Variants in ZNF274 observed in about 807,000 individuals in gnomAD.
The protein encoded by ZNF274 is zinc finger protein 274.
ZNF274 carries 23 observed loss-of-function variants against 42.5 expected under a neutral mutation model. The observed-to-expected ratio is 0.54, with a 90% confidence interval of 0.39 to 0.77. ZNF274 has a LOEUF of 0.77. Ranked by LOEUF, ZNF274 falls within the 30% of genes least tolerant of loss-of-function variation. The pLI, the probability that ZNF274 is intolerant of heterozygous loss-of-function variation, is 0.00. For missense variants in ZNF274, 679 were observed against 806.5 expected, an observed-to-expected ratio of 0.84 and a Z score of 1.91; for synonymous variants, 292 against 305.4, an observed-to-expected ratio of 0.96 and a Z score of 0.46.
intron 4 of ZNF274, among the ~76,000 whole-genome samples, chr19:58,191,417 G>A (rs112911143): frequency 9.8e-5 from 15 of 152,322 alleles, no homozygotes; most frequent in African/African-American, 2.9e-4. Flanking sequence ...TATTATAGGC[G>A]TGAGCCACTG....
chr19:58,188,676 G>GTGTGTGTGTA (rs1555816861), intron 4 of ZNF274, among the ~76,000 whole-genome samples: 1 of 79,772 alleles, frequency 1.3e-5, no homozygotes, highest in Non-Finnish European at 2.5e-5. Context: ...GTGTGTGTGT[G>GTGTGTGTGTA]TATATATATA....
At chr19:58,186,889 A>ATAGCATT (rs1467318295) in intron 3 of ZNF274, 58 bp from the exon 4 acceptor site, 4 of 1,469,662 alleles carry the variant, frequency 2.7e-6, no homozygotes, top group Non-Finnish European at 3.8e-6. Context: ...CTGCAGTAGG[A>ATAGCATT]TAGCATTTTC....
At chr19:58,188,189 A>T (rs1232315128) in intron 4 of ZNF274, among the ~76,000 whole-genome samples, 1 of 152,068 alleles carries the variant, frequency 6.6e-6, no homozygotes, top group Non-Finnish European at 1.5e-5. Flanking sequence ...AAGATCAGCC[A>T]ATGTTGTAAA....
intron 4 of ZNF274, among the ~76,000 whole-genome samples, chr19:58,201,676 C>G (rs1390651974): frequency 1.3e-5 from 2 of 152,034 alleles, no homozygotes; most frequent in Admixed American, 1.3e-4. Flanking sequence ...GCCACCTCGC[C>G]TAGCTAACTT....
At chr19:58,189,876 G>C (rs2075757712) in intron 4 of ZNF274, among the ~76,000 whole-genome samples, 1 of 152,086 alleles carries the variant, frequency 6.6e-6, no homozygotes. Flanking sequence ...TGTAATCCCA[G>C]CACTTTGGGA....
chr19:58,200,052 G>A (rs1201855109), intron 4 of ZNF274, among the ~76,000 whole-genome samples: 1 of 152,244 alleles, frequency 6.6e-6, no homozygotes, highest in Non-Finnish European at 1.5e-5. Context: ...GAAGAAGCAA[G>A]TGGGGTGCAA....
chr19:58,212,472 A>G lies in ZNF274; in HGVS notation c.1291A>G (p.Ser431Gly). The change falls in exon 8 of 8, where the codon AGT becomes GGT. Residue 431 changes from serine (S) to glycine (G), a missense_variant. By Grantham distance (56) the Ser-to-Gly change is moderately conservative. Around this residue, in one of 2 missense-constraint regions of ZNF274, gnomAD observed 456 missense variants for 590.1 expected, o/e 0.77. Coordinates refer to ENST00000617501, the MANE Select transcript of ZNF274 (RefSeq NM_133502.3). This position sits in a 1 kb window ranked among gnomAD's most constrained non-coding sequence, Gnocchi z 4.6. ...KIDNPESQANSGALDTNQVLL... is the reference protein window; with the variant it reads ...KIDNPESQANGGALDTNQVLL... ...TGACAACCCTGAGTCCCAGGCAAACAGTGGCGCTCTTGACACAAACCAAGT... is the reference window on the plus strand; with the variant it reads ...TGACAACCCTGAGTCCCAGGCAAACGGTGGCGCTCTTGACACAAACCAAGT... The G allele has an allele frequency of 1.9e-6, 3 of 1,613,724 alleles. No individual in the cohort carries two copies. Among genetic ancestry groups the G allele is most frequent in the Middle Eastern group, 3.3e-4 (2 of 6,054 alleles).
rs375460451 is a variant in ZNF274, at chr19:58,185,720, G to C, written c.42G>C (p.Val14=). 2.1e-5 allele frequency: 31 copies of C among 1,444,372 alleles called. No homozygotes were observed. Among genetic ancestry groups the C allele is most frequent in the African/African-American group, 4.4e-5 (3 of 68,066 alleles). The allele number at this position is 1,444,372 out of a possible 1,614,324, so 89.5% of individuals were successfully genotyped here. Residue 14 remains valine (V), a synonymous_variant, in exon 3 of 8, where the codon GTG becomes GTC. Coordinates refer to ENST00000617501, the MANE Select transcript of ZNF274 (RefSeq NM_133502.3). ...AGAATCTGGATTTTTAGGAACCAGT[G>C]ACCTTTGAAGATGTAACACTGGGTT... The part of the protein sequence containing the change: ...RLPTAWSCEP[V]TFEDVTLGFT...
intron 4 of ZNF274, among the ~76,000 whole-genome samples, chr19:58,201,801 CACCG>C (rs2075915325): frequency 6.6e-6 from 1 of 152,182 alleles, no homozygotes; most frequent in African/African-American, 2.4e-5. Context: ...AGGCATGAGT[CACCG>C]CACCAGGCAT....
At chr19:58,191,449 C>T (rs1204017398) in intron 4 of ZNF274, among the ~76,000 whole-genome samples, 1 of 152,164 alleles carries the variant, frequency 6.6e-6, no homozygotes, top group Non-Finnish European at 1.5e-5. Context: ...GCCTCCTGAT[C>T]TTCCTTTTGG....
chr19:58,192,623 T>C (rs2146205597), intron 4 of ZNF274, among the ~76,000 whole-genome samples: 1 of 152,308 alleles, frequency 6.6e-6, no homozygotes, highest in African/African-American at 2.4e-5. Flanking sequence ...GCTGAAGTCA[T>C]CTCTAGATTA....
intron 4 of ZNF274, chr19:58,202,163 C>T (rs1335865910): frequency 3.9e-5 from 6 of 152,218 alleles, no homozygotes; most frequent in Non-Finnish European, 8.8e-5. Context: ...ACTTTTCCCC[C>T]ACAAGCTGCT....
intron 3 of ZNF274, chr19:58,186,055 A>G (rs1329609901): frequency 3.3e-6 from 1 of 299,682 alleles, no homozygotes; most frequent in Non-Finnish European, 6.1e-6. Context: ...GTGGATGCTT[A>G]TTGTTCTTGC....
chr19:58,209,831 G>A, intron 5 of ZNF274, 130 bp from the exon 6 acceptor site: 2 of 608,586 alleles, frequency 3.3e-6, no homozygotes, highest in Non-Finnish European at 5.8e-6. Flanking sequence ...GAGGACAGGA[G>A]CAGAGGCTGT....
rs941151260 is a variant in ZNF274, at chr19:58,210,401, A to C, written c.852+328A>C. 2.9e-5 allele frequency: 6 copies of C among 206,752 alleles called. No individual in the cohort carries two copies. The East Asian group carries it at 7.3e-4, about 25-fold the overall frequency. The allele number at this position is 206,752 out of a possible 1,614,324, so 12.8% of individuals were successfully genotyped here. The stretch of plus-strand genomic sequence containing the variant: ...ATCTGTATCCAGGTCAGAACAAGAG[A>C]GCCCTCAACCTTCAGAAATGCATAC... On this transcript the variant is annotated intron_variant, in intron 6 of 7. Transcript: ENST00000617501.
intron 3 of ZNF274, 145 bp from the exon 4 acceptor site, chr19:58,186,802 G>C: frequency 1.5e-6 from 1 of 655,756 alleles, no homozygotes; most frequent in Non-Finnish European, 2.6e-6. Flanking sequence ...CAACAACAGG[G>C]ATGGATGGAG....
chr19:58,193,836 G>C (rs1202173017), intron 4 of ZNF274, among the ~76,000 whole-genome samples: 1 of 152,140 alleles, frequency 6.6e-6, no homozygotes, highest in Non-Finnish European at 1.5e-5. Flanking sequence ...TGAGGCAGGA[G>C]GATTGCTTGA....
chr19:58,201,162 G>A (rs997754951), intron 4 of ZNF274, among the ~76,000 whole-genome samples: 7 of 148,370 alleles, frequency 4.7e-5, no homozygotes, highest in African/African-American at 1.2e-4. Context: ...ATGCCGCTAC[G>A]CCTGGCTAAT....
rs1013704569 is a variant in ZNF274 at position 58,183,202 on chromosome 19, G to A, written c.-286G>A. On this transcript the variant is annotated 5_prime_UTR_variant, in exon 1 of 8. Transcript: ENST00000617501. ...CGCCCACATTAGTGTGGGGCCCTGC[G>A]GCCTAGCGTCCCTCACCAGAGGCCT... The A allele has an allele frequency of 6.6e-6, 1 of 152,302 alleles. No homozygotes were observed. Among genetic ancestry groups the A allele is most frequent in the African/African-American group, 2.4e-5 (1 of 41,412 alleles). 9.4% of individuals were successfully genotyped at this position (152,302 alleles called of 1,614,324 possible).
Sources: gnomAD v4.1 joint callset for allele counts (sites outside exome capture counted in the v4.1 genomes callset) on GRCh38, gnomAD v4.1.1 for gene constraint, gnomAD v4.1.1 regional missense constraint, Gnocchi (gnomAD v3.1) non-coding constraint, MANE v1.5 for transcripts, NCBI Gene and HGNC (gene_info 2026-07-23, HGNC 2026-07-21) for gene names.